MDGA1: variants seen among roughly 807,000 people sequenced by gnomAD.
The protein encoded by MDGA1 is MAM domain containing glycosylphosphatidylinositol anchor 1.
A neutral mutation model predicts 101.5 loss-of-function variants in MDGA1; 54 were observed. The ratio of observed to expected loss-of-function variants is 0.53; its 90% CI spans 0.43 to 0.67. MDGA1 has a LOEUF of 0.67. Ranked by LOEUF, MDGA1 falls within the 30% of genes least tolerant of loss-of-function variation. The probability of loss-of-function intolerance (pLI) is 0.00; values close to 1 mark genes in which losing one functional copy is unlikely to be tolerated. For synonymous variants in MDGA1, 533 were observed against 558.3 expected (o/e 0.95, Z 0.64); for missense variants, 1,083 against 1,323.8 (o/e 0.82, Z 2.82).
At position 37,636,169 on chromosome 6, in the gene MDGA1, C is replaced by A. The variant is rs1292086399; in HGVS notation, c.*1199G>T. On this transcript the variant is annotated 3_prime_UTR_variant, in exon 17 of 17. Transcript: ENST00000434837. ...AGGAAAGATCTAGATCCCATCATGTCAATCTCAGGTGCCTAACCCAGGACC... is the reference window on the plus strand; with the variant it reads ...AGGAAAGATCTAGATCCCATCATGTAAATCTCAGGTGCCTAACCCAGGACC... 1 of 155,244 alleles carries A rather than the reference C, an allele frequency of 6.4e-6. No individual in the cohort carries two copies. The highest frequency in any genetic ancestry group is 1.9e-4 in the East Asian group (1 of 5,250). The allele number at this position is 155,244 out of a possible 1,614,324, so 9.6% of individuals were successfully genotyped here.
At chr6:37,665,334 T>C (rs181241878) in intron 1 of MDGA1, among the ~76,000 whole-genome samples, 1 of 152,212 alleles carries the variant, frequency 6.6e-6, no homozygotes, top group Admixed American at 6.5e-5. Context: ...GAGGTAAAAA[T>C]GACATCCCTG....
At chr6:37,662,932 G>A (rs1042231951) in intron 2 of MDGA1, among the ~76,000 whole-genome samples, 7 of 152,002 alleles carry the variant, frequency 4.6e-5, no homozygotes, top group Admixed American at 1.3e-4. Flanking sequence ...CACAGACATC[G>A]ACCTACTCCA....
Position 37,664,068 on chromosome 6 carries a change from A to G in MDGA1, c.106T>C (p.Cys36Arg), listed in dbSNP as rs775794228. 1.2e-6 allele frequency: 2 copies of G among 1,613,838 alleles called. No homozygotes were observed. Among genetic ancestry groups the G allele is most frequent in the Non-Finnish European group, 1.7e-6 (2 of 1,179,842 alleles). ...CTGATATTGTCCTCTTTCACCACAC[A>G]TGCCTGGCCCGCATGCACGATCTGC... Reference protein sequence around the residue: ...QAQIVHAGQACVVKEDNISER... With the variant: ...QAQIVHAGQARVVKEDNISER... The change falls in exon 2 of 17, where the codon TGT (cysteine) becomes CGT (arginine). Residue 36 changes from cysteine to arginine, a missense_variant. By Grantham distance (180) the Cys-to-Arg change is radical. Coordinates refer to ENST00000434837, the MANE Select transcript of MDGA1 (RefSeq NM_153487.4).
Position 37,654,899 on chromosome 6 carries a change from G to T in MDGA1, c.613C>A (p.Arg205=), listed in dbSNP as rs778409362. 1.9e-6 allele frequency: 3 copies of T among 1,613,510 alleles called. No individual in the cohort carries two copies. Among genetic ancestry groups the T allele is most frequent in the Non-Finnish European group, 2.5e-6 (3 of 1,179,838 alleles). ...ETKVLKLKNL[R]PQDYASYTCQ... ...GTGTAGCTGGCATAGTCCTGGGGCCGCAGGTTCTTCAGCTTCAGGACCTTG... is the reference window on the plus strand; with the variant it reads ...GTGTAGCTGGCATAGTCCTGGGGCCTCAGGTTCTTCAGCTTCAGGACCTTG... Residue 205 remains arginine (R), a synonymous_variant, in exon 5 of 17, where the codon CGG becomes AGG. Transcript: ENST00000434837.
Position 37,668,264 on chromosome 6 carries a change from A to AAAAAG in MDGA1, c.68-4159_68-4158insCTTTT, listed in dbSNP as rs1554135565. Reference sequence around the variant, plus strand: ...AGATTCTGTCTAAAAAAAAAAAAAAAGGTGATCCAGCTCCCTTTGATGACC... The same window carrying AAAAAG: ...AGATTCTGTCTAAAAAAAAAAAAAAAAAAAGGGTGATCCAGCTCCCTTTGATGACC... On this transcript the variant is annotated intron_variant, in intron 1 of 16. Coordinates refer to ENST00000434837, the MANE Select transcript of MDGA1 (RefSeq NM_153487.4). Among the ~76,000 whole-genome samples the AAAAAG allele has an allele frequency of 6.7e-4, 101 of 149,866 alleles. 1 individual carries two copies. The highest frequency in any genetic ancestry group is 2.4e-3 in the East Asian group (12 of 5,078).
At chr6:37,679,292 C>T (rs948045118) in intron 1 of MDGA1, among the ~76,000 whole-genome samples, 7 of 152,062 alleles carry the variant, frequency 4.6e-5, no homozygotes, top group South Asian at 2.1e-4. Flanking sequence ...AGTTCAATCA[C>T]GGCCAGGGAC....
intron 1 of MDGA1, among the ~76,000 whole-genome samples, chr6:37,695,784 G>C (rs1762404388): frequency 6.6e-6 from 1 of 152,236 alleles, no homozygotes; most frequent in Non-Finnish European, 1.5e-5. Flanking sequence ...AAGGGACCTG[G>C]ACAAACCATC....
At chr6:37,659,279 A>G (rs1411448213) in intron 2 of MDGA1, among the ~76,000 whole-genome samples, 1 of 152,188 alleles carries the variant, frequency 6.6e-6, no homozygotes, top group Non-Finnish European at 1.5e-5. Context: ...GAAGCCCCTA[A>G]GTTTTGGAGT....
At chr6:37,647,786 G>C (rs1246774718) in intron 9 of MDGA1, among the ~76,000 whole-genome samples, 1 of 151,986 alleles carries the variant, frequency 6.6e-6, no homozygotes, top group African/African-American at 2.4e-5. Context: ...AAGGGAAGGA[G>C]GTGGGAAATG....
At chr6:37,650,724 C>CT (rs1235133215) in intron 7 of MDGA1, among the ~76,000 whole-genome samples, 2 of 152,168 alleles carry the variant, frequency 1.3e-5, no homozygotes, top group African/African-American at 2.4e-5. Flanking sequence ...ATTCTTGGTC[C>CT]TTCTGTCCTA....
At chr6:37,672,700 G>C (rs1415814584) in intron 1 of MDGA1, among the ~76,000 whole-genome samples, 1 of 152,208 alleles carries the variant, frequency 6.6e-6, no homozygotes, top group Admixed American at 6.5e-5. Context: ...GAGTGGTACA[G>C]AATTGGGATC....
intron 3 of MDGA1, among the ~76,000 whole-genome samples, chr6:37,656,613 T>A (rs1581601147): frequency 6.6e-6 from 1 of 152,196 alleles, no homozygotes; most frequent in East Asian, 1.9e-4. Flanking sequence ...GCTCAAGCAA[T>A]CCTCCCGCCT....
chr6:37,651,933 C>T (rs1172957200), intron 7 of MDGA1, 78 bp downstream of exon 7: 7 of 1,254,784 alleles, frequency 5.6e-6, no homozygotes, highest in South Asian at 1.5e-5. Context: ...TTTCCCAAGC[C>T]GTTGCCTCCC....
intron 1 of MDGA1, among the ~76,000 whole-genome samples, chr6:37,693,469 G>C (rs935798777): frequency 2.0e-5 from 3 of 152,232 alleles, no homozygotes; most frequent in African/African-American, 7.2e-5. Flanking sequence ...ACTTCCACCA[G>C]TAAGTTGCAA....
At position 37,654,805 on chromosome 6, in the gene MDGA1, G is replaced by C. The variant is rs1173798874; in HGVS notation, c.707C>G (p.Thr236Ser). Reference protein sequence around the residue: ...DKAITFRLTNTTAPPALKLSV... With the variant: ...DKAITFRLTNSTAPPALKLSV... Reference sequence around the variant, plus strand: ...GGGGAGGAAAATGCCTGTACCCGTGGTGTTGGTGAGCCGGAAGGTGATGGC... The same window carrying C: ...GGGGAGGAAAATGCCTGTACCCGTGCTGTTGGTGAGCCGGAAGGTGATGGC... Residue 236 changes from threonine to serine, a missense_variant, in exon 5 of 17, where the codon ACC becomes AGC. Transcript: ENST00000434837. The C allele has an allele frequency of 6.2e-7, 1 of 1,613,820 alleles. No homozygotes were observed.
At chr6:37,692,625 G>C (rs1466057928) in intron 1 of MDGA1, among the ~76,000 whole-genome samples, 2 of 151,884 alleles carry the variant, frequency 1.3e-5, no homozygotes, top group Non-Finnish European at 2.9e-5. Flanking sequence ...TCATTCATTT[G>C]CCGGGCCTTG....
At chr6:37,681,227 C>T (rs1486535066) in intron 1 of MDGA1, among the ~76,000 whole-genome samples, 1 of 152,214 alleles carries the variant, frequency 6.6e-6, no homozygotes, top group Non-Finnish European at 1.5e-5. Flanking sequence ...GGGATATTTT[C>T]ACTCGCGGAC....
intron 10 of MDGA1, 56 bp from the exon 11 acceptor site, chr6:37,646,431 A>G (rs544640454): frequency 1.4e-6 from 2 of 1,395,946 alleles, no homozygotes; most frequent in African/African-American, 2.9e-5. Flanking sequence ...CAGTTTCCTC[A>G]TCTGTGAGAC....
chr6:37,647,449 G>T, intron 9 of MDGA1, 125 bp from the exon 10 acceptor site: 2 of 605,728 alleles, frequency 3.3e-6, no homozygotes, highest in Admixed American at 3.2e-5. Context: ...GAAACAAAGA[G>T]AAAGGGAATA....
Sources: gnomAD v4.1 joint callset for allele counts (sites outside exome capture counted in the v4.1 genomes callset) on GRCh38, gnomAD v4.1.1 for gene constraint, MANE v1.5 for transcripts, NCBI Gene and HGNC (gene_info 2026-07-23, HGNC 2026-07-21) for gene names.